Variants in SH2B1 observed in about 807,000 individuals in gnomAD.
SH2B1 encodes the protein SH2B adapter protein 1.
Under a neutral mutation model 62.6 loss-of-function variants are expected in SH2B1, and 15 were observed. The observed-to-expected ratio is 0.24, with a 90% confidence interval of 0.16 to 0.37. The LOEUF (loss-of-function observed/expected upper bound fraction) is 0.37. Ranked by LOEUF, SH2B1 falls within the 10% of genes least tolerant of loss-of-function variation. SH2B1 has a pLI of 1.00. For synonymous variants in SH2B1, 443 were observed against 438.0 expected (o/e 1.01, Z -0.14); for missense variants, 925 against 1,015.6 (o/e 0.91, Z 1.21).
chr16:28,863,597 C>A, upstream of SH2B1: 1 of 1,362,466 alleles, frequency 7.3e-7, no homozygotes, highest in South Asian at 1.3e-5. Flanking sequence ...CCCTTTGTCC[C>A]GAATTTCCTC....
At chr16:28,859,654 G>A (rs1187539024), upstream of SH2B1, among the ~76,000 whole-genome samples, 3 of 151,654 alleles carry the variant, frequency 2.0e-5, no homozygotes, top group African/African-American at 7.3e-5. Context: ...GCTGCAGTAA[G>A]CTATGATTGT....
At position 28,865,212 on chromosome 16, in the gene SH2B1, C is replaced by G. The variant is rs1298629607; in HGVS notation, c.-883C>G. On this transcript the variant is annotated 5_prime_UTR_variant, in exon 1 of 8. Transcript: ENST00000684370. The stretch of plus-strand genomic sequence containing the variant: ...GACTTGACCTGAGCCAACCCAGTTT[C>G]TCCTCTGGGGCCCCTGCGGCCTCTG... 1 of 985,516 alleles carries G rather than the reference C, an allele frequency of 1.0e-6. No individual in the cohort carries two copies. The highest frequency in any genetic ancestry group is 1.2e-6 in the Non-Finnish European group (1 of 829,964). 61.0% of individuals were successfully genotyped at this position (985,516 alleles called of 1,614,324 possible).
chr16:28,852,843 T>TATATATATTTATATATATATTTAC lies in SH2B1; in HGVS notation c.-301+6026_-301+6027insATATATATATTTACATATATATTT, dbSNP rs1962197506. On this transcript the variant is annotated intron_variant, in intron 1 of 10. Coordinates refer to the SH2B1 transcript ENST00000322610. ...ACATATATATTTATATATATATACATATATATATTTTTATATATATTTACA... is the reference window on the plus strand; with the variant it reads ...ACATATATATTTATATATATATACATATATATATTTATATATATATTTACATATATATTTTTATATATATTTACA... Among the ~76,000 whole-genome samples, 6 of 41,502 alleles carry TATATATATTTATATATATATTTAC rather than the reference T, an allele frequency of 1.4e-4. 1 individual carries two copies. The highest frequency in any genetic ancestry group is 5.5e-4 in the African/African-American group (6 of 10,930). 27.2% of individuals were successfully genotyped at this position (41,502 alleles called of 152,430 possible).
At chr16:28,848,970 C>G (rs1386168392) in intron 1 of SH2B1, among the ~76,000 whole-genome samples, 2 of 152,042 alleles carry the variant, frequency 1.3e-5, no homozygotes, top group Non-Finnish European at 2.9e-5. Flanking sequence ...CCATGCCCAG[C>G]CAGACTGTAC....
chr16:28,858,223 C>G (rs1331591785), intron 1 of SH2B1, among the ~76,000 whole-genome samples: 2 of 152,042 alleles, frequency 1.3e-5, no homozygotes, highest in South Asian at 2.1e-4. Context: ...AGCAAAAACT[C>G]AGGTGTTGGC....
At chr16:28,851,259 A>G (rs1022805083) in intron 1 of SH2B1, among the ~76,000 whole-genome samples, 3 of 150,616 alleles carry the variant, frequency 2.0e-5, no homozygotes, top group African/African-American at 7.3e-5. Flanking sequence ...GTGGGGCACC[A>G]CTGTTCTCCC....
rs1160354512 is a variant in SH2B1 at position 28,867,027 on chromosome 16, AC to A, written c.936del (p.Lys313ArgfsTer52). 6.3e-7 allele frequency: 1 copy of A among 1,599,074 alleles called. No homozygotes were observed. Among genetic ancestry groups the A allele is most frequent in the Non-Finnish European group, 8.5e-7 (1 of 1,179,894 alleles). On this transcript the variant is annotated frameshift_variant, in exon 1 of 8. Coordinates refer to ENST00000684370, the MANE Select transcript of SH2B1 (RefSeq NM_001387430.1). LOFTEE classifies it high-confidence loss of function. ...GGSRLEFFVP[P>X]KASRPRLSIP... Reference sequence around the variant, plus strand: ...GAAGTCGCCTGGAGTTCTTTGTACCACCCAAGGTGAGGCCCCTTGGAGGGTG... The same window carrying A: ...GAAGTCGCCTGGAGTTCTTTGTACCACCAAGGTGAGGCCCCTTGGAGGGTG...
rs368676177 is a variant in SH2B1, at chr16:28,873,295, C to G, written c.1898-152C>G. Reference sequence around the variant, plus strand: ...GTAAGTGTGGTCCTCCTCTCACCACCGCCCATGATCCATCTTCCATGGATG... The same window carrying G: ...GTAAGTGTGGTCCTCCTCTCACCACGGCCCATGATCCATCTTCCATGGATG... On this transcript the variant is annotated intron_variant, in intron 7 of 7. Transcript: ENST00000684370. The surrounding 1 kb of genome is among the most constrained non-coding windows in gnomAD (Gnocchi z 4.2). 1.3e-6 allele frequency: 2 copies of G among 1,597,964 alleles called. No individual in the cohort carries two copies. Among genetic ancestry groups the G allele is most frequent in the Non-Finnish European group, 1.7e-6 (2 of 1,171,396 alleles).
upstream of SH2B1, chr16:28,861,616 A>G (rs1490170110): frequency 6.6e-6 from 1 of 151,304 alleles, no homozygotes; most frequent in Admixed American, 6.6e-5. Context: ...TTGTATTTTT[A>G]GCAGAGATGG....
rs571333077 is a variant in SH2B1 at position 28,848,004 on chromosome 16, T to C, written c.-301+1177T>C. Among the ~76,000 whole-genome samples, 3 of 151,904 alleles carry C rather than the reference T, an allele frequency of 2.0e-5. No homozygotes were observed. In the South Asian group the frequency reaches 6.2e-4, roughly 32 times the overall value. ...CCACGCCTGGCTAATTTTAGTATTT[T>C]TAGTACAGATGGGGTTTCACCTCGT... On this transcript the variant is annotated intron_variant, in intron 1 of 10. Coordinates refer to the SH2B1 transcript ENST00000322610.
chr16:28,863,686 C>T (rs1243515181), upstream of SH2B1: 1 of 1,535,576 alleles, frequency 6.5e-7, no homozygotes, highest in African/African-American at 1.4e-5. Context: ...GGAGAAGGCA[C>T]TGAAGCCCTA....
chr16:28,859,587 G>A (rs1040353962), upstream of SH2B1, among the ~76,000 whole-genome samples: 1 of 151,902 alleles, frequency 6.6e-6, no homozygotes, highest in African/African-American at 2.4e-5. Context: ...TCATGCCTGT[G>A]GTCTCAGCTA....
chr16:28,872,113 A>C lies in SH2B1; in HGVS notation c.1514-77A>C, dbSNP rs1394467454. On this transcript the variant is annotated intron_variant, in intron 5 of 7. Transcript: ENST00000684370. The surrounding 1 kb of genome is among the most constrained non-coding windows in gnomAD (Gnocchi z 5.3). Reference sequence around the variant, plus strand: ...TGTGGGGAGCAGGCGCCTTGAGGGGAAGGCAAGGCTTTTTTCTCCCAGGAT... The same window carrying C: ...TGTGGGGAGCAGGCGCCTTGAGGGGCAGGCAAGGCTTTTTTCTCCCAGGAT... 3.4e-6 allele frequency: 5 copies of C among 1,462,894 alleles called. No individual in the cohort carries two copies. The highest frequency in any genetic ancestry group is 2.8e-6 in the Non-Finnish European group (3 of 1,054,264). 90.6% of individuals were successfully genotyped at this position (1,462,894 alleles called of 1,614,324 possible).
intron 4 of SH2B1, among the ~76,000 whole-genome samples, chr16:28,871,546 AG>A (rs1963035689): frequency 6.6e-6 from 1 of 152,208 alleles, no homozygotes; most frequent in Non-Finnish European, 1.5e-5. Context: ...AAAAAGATGG[AG>A]ACACATTGGG....
intron 2 of SH2B1, among the ~76,000 whole-genome samples, chr16:28,868,801 A>AAACATAG (rs1232252544): frequency 6.6e-6 from 1 of 150,954 alleles, no homozygotes; most frequent in Non-Finnish European, 1.5e-5. Context: ...GGTTCTCACT[A>AAACATAG]TGTTGCCCAG....
chr16:28,850,067 T>C (rs1962062012), intron 1 of SH2B1, among the ~76,000 whole-genome samples: 1 of 152,152 alleles, frequency 6.6e-6, no homozygotes, highest in South Asian at 2.1e-4. Context: ...GACCGTAGCA[T>C]CCTCTGTATT....
At chr16:28,852,755 T>TAC (rs1567459128) in intron 1 of SH2B1, among the ~76,000 whole-genome samples, 1 of 49,290 alleles carries the variant, frequency 2.0e-5, no homozygotes, top group East Asian at 7.2e-4. Context: ...TTTACATATA[T>TAC]ATGTATATAT....
upstream of SH2B1, chr16:28,863,822 G>T (rs2059984074): frequency 2.0e-6 from 3 of 1,534,528 alleles, no homozygotes; most frequent in Admixed American, 3.9e-5. Flanking sequence ...CGACGGGAAA[G>T]GGGGTCCTGA....
chr16:28,860,233 T>A (rs1962412602), upstream of SH2B1, among the ~76,000 whole-genome samples: 1 of 151,218 alleles, frequency 6.6e-6, no homozygotes, highest in African/African-American at 2.4e-5. Context: ...TCCACATTTT[T>A]CCTCCCACTT....
Sources: allele counts gnomAD v4.1 joint callset (sites outside exome capture counted in the v4.1 genomes callset), GRCh38; gene constraint gnomAD v4.1.1; non-coding constraint Gnocchi (gnomAD v3.1); transcripts MANE v1.5; gene names NCBI Gene and HGNC (gene_info 2026-07-23, HGNC 2026-07-21).